The following SLC22A3 variants were observed in gnomAD, a reference collection of about 807,000 sequenced individuals.
SLC22A3 encodes solute carrier family 22 member 3.
Under a neutral mutation model 59.1 loss-of-function variants are expected in SLC22A3, and 51 were observed. The ratio of observed to expected loss-of-function variants is 0.86; its 90% confidence interval spans 0.69 to 1.09. The LOEUF is 1.09. Ranked by LOEUF, SLC22A3 falls within the 50% of genes least tolerant of loss-of-function variation. SLC22A3 has a pLI of 0.00. For missense variants in SLC22A3, 711 were observed against 726.3 expected, an observed-to-expected ratio of 0.98 and a Z score of 0.24; for synonymous variants, 325 against 292.0, an observed-to-expected ratio of 1.11 and a Z score of -1.15.
At chr6:160,439,669 C>T (rs1788476977) in intron 7 of SLC22A3, among the ~76,000 whole-genome samples, 1 of 152,156 alleles carries the variant, frequency 6.6e-6, no homozygotes, top group East Asian at 1.9e-4. Context: ...GATATAATTT[C>T]CTGATTGAAG....
At chr6:160,422,825 C>A (rs990027647) in intron 5 of SLC22A3, among the ~76,000 whole-genome samples, 3 of 151,626 alleles carry the variant, frequency 2.0e-5, no homozygotes, top group Non-Finnish European at 4.4e-5. Flanking sequence ...AAAACTATGT[C>A]ACCTTCTTTT....
At chr6:160,445,168 A>G (rs768050722) in intron 9 of SLC22A3, among the ~76,000 whole-genome samples, 5 of 152,220 alleles carry the variant, frequency 3.3e-5, no homozygotes, top group Non-Finnish European at 7.3e-5. Context: ...AGAGGCTCCT[A>G]TGAGAATAGG....
At chr6:160,431,323 G>A (rs1285166937) in intron 5 of SLC22A3, among the ~76,000 whole-genome samples, 1 of 152,108 alleles carries the variant, frequency 6.6e-6, no homozygotes, top group African/African-American at 2.4e-5. Context: ...AGATTTTCCT[G>A]GATGAATTCC....
In SLC22A3 at chr6:160,452,291, A is replaced by G. The variant is rs1460964162; in HGVS notation, c.*1235A>G. 4 of 152,258 alleles carry G rather than the reference A, an allele frequency of 2.6e-5. No homozygotes were observed. The South Asian group carries it at 8.3e-4, about 31-fold the overall frequency. 9.4% of individuals were successfully genotyped at this position (152,258 alleles called of 1,614,324 possible). A position where few individuals can be genotyped will look rare whatever the true frequency, so the allele number is the denominator to read the frequency against. ...AAGGGAAACATTAACCATGAGGAAG[A>G]GCATTTTTCTAAGGAGAACAGGTGA... On this transcript the variant is annotated 3_prime_UTR_variant, in exon 11 of 11. Transcript: ENST00000275300.
chr6:160,379,254 T>C (rs1376796149), intron 1 of SLC22A3, among the ~76,000 whole-genome samples: 4 of 152,178 alleles, frequency 2.6e-5, no homozygotes, highest in South Asian at 4.1e-4. Context: ...TTTTCCTCTA[T>C]CTGTTTTGCT....
chr6:160,373,403 C>A (rs139021542), intron 1 of SLC22A3, among the ~76,000 whole-genome samples: 1 of 152,150 alleles, frequency 6.6e-6, no homozygotes, highest in East Asian at 1.9e-4. Context: ...GGGCACTCAC[C>A]AGATGTGAGC....
At chr6:160,366,031 GGGATTATGAGAACTACAATTCAAGATA>G (rs1444290295) in intron 1 of SLC22A3, among the ~76,000 whole-genome samples, 1 of 152,098 alleles carries the variant, frequency 6.6e-6, no homozygotes, top group African/African-American at 2.4e-5. Flanking sequence ...ATGACACATG[GGGATTATGAGAACTACAATTCAAGATA>G]GGATTTGGGT....
At chr6:160,350,475 G>C (rs78389481) in intron 1 of SLC22A3, among the ~76,000 whole-genome samples, 4,682 of 152,262 alleles carry the variant, frequency 0.031, 236 homozygotes, top group African/African-American at 0.11. Flanking sequence ...GCATGGACTT[G>C]GATGAGAGAG....
At chr6:160,393,229 T>A (rs1167941614) in intron 1 of SLC22A3, among the ~76,000 whole-genome samples, 1 of 151,934 alleles carries the variant, frequency 6.6e-6, no homozygotes, top group Non-Finnish European at 1.5e-5. Context: ...TTCCCTATGG[T>A]CTGAGGAGCA....
intron 9 of SLC22A3, among the ~76,000 whole-genome samples, chr6:160,443,957 C>A (rs1583519315): frequency 6.6e-6 from 1 of 152,040 alleles, no homozygotes; most frequent in African/African-American, 2.4e-5. Flanking sequence ...TTTTAATTTA[C>A]TTTATATTAA....
At chr6:160,413,817 G>A (rs1038190025) in intron 5 of SLC22A3, among the ~76,000 whole-genome samples, 1 of 152,162 alleles carries the variant, frequency 6.6e-6, no homozygotes, top group South Asian at 2.1e-4. Flanking sequence ...TATCAAGTCA[G>A]TGTTCCACTT....
chr6:160,435,071 C>T (rs1338503594), intron 5 of SLC22A3, among the ~76,000 whole-genome samples: 2 of 152,182 alleles, frequency 1.3e-5, no homozygotes, highest in African/African-American at 2.4e-5. Flanking sequence ...CACATGACCC[C>T]TACAACCACC....
intron 1 of SLC22A3, among the ~76,000 whole-genome samples, chr6:160,365,508 T>TG (rs1440644992): frequency 2.6e-5 from 4 of 152,204 alleles, no homozygotes; most frequent in Non-Finnish European, 5.9e-5. Flanking sequence ...TTCTAACACT[T>TG]GCAGTTCCCA....
intron 6 of SLC22A3, 37 bp downstream of exon 6, chr6:160,436,914 T>A (rs758980079): frequency 6.2e-7 from 1 of 1,610,512 alleles, no homozygotes; most frequent in Non-Finnish European, 8.5e-7. Context: ...AAGCTTGCGT[T>A]AAATTTACAA....
At chr6:160,422,993 C>T (rs1452486967) in intron 5 of SLC22A3, among the ~76,000 whole-genome samples, 2 of 152,096 alleles carry the variant, frequency 1.3e-5, no homozygotes, top group East Asian at 1.9e-4. Context: ...TCCCCCACCC[C>T]GCAACAGGCC....
At chr6:160,353,680 G>C (rs933568971) in intron 1 of SLC22A3, among the ~76,000 whole-genome samples, 1 of 152,106 alleles carries the variant, frequency 6.6e-6, no homozygotes, top group African/African-American at 2.4e-5. Context: ...GCAGTGGTTG[G>C]TGTGCATTCT....
chr6:160,437,359 T>C (rs919278084), intron 7 of SLC22A3, 148 bp downstream of exon 7: 6 of 803,616 alleles, frequency 7.5e-6, no homozygotes, highest in African/African-American at 6.8e-5. Context: ...TTAATCAGCA[T>C]AAAAACTTCG....
intron 1 of SLC22A3, among the ~76,000 whole-genome samples, chr6:160,375,831 C>T (rs114597509): frequency 0.012 from 1,821 of 152,112 alleles, 36 homozygotes; most frequent in African/African-American, 0.041. Context: ...TGGCTGTTCT[C>T]GGGGTTGAGA....
At chr6:160,367,730 T>A (rs113352802) in intron 1 of SLC22A3, among the ~76,000 whole-genome samples, 5 of 152,178 alleles carry the variant, frequency 3.3e-5, no homozygotes, top group Non-Finnish European at 5.9e-5. Context: ...GGTCAGGGCA[T>A]CCAGGCACAT....
Sources: gnomAD v4.1 joint callset for allele counts (sites outside exome capture counted in the v4.1 genomes callset) on GRCh38, gnomAD v4.1.1 for gene constraint, MANE v1.5 for transcripts, NCBI Gene and HGNC (gene_info 2026-07-23, HGNC 2026-07-21) for gene names.